The following CRADD variants were observed in gnomAD, a reference collection of about 807,000 sequenced individuals.
The protein encoded by CRADD is death domain-containing protein CRADD.
A neutral mutation model predicts 15.5 loss-of-function variants in CRADD; 9 were observed. The ratio of observed to expected loss-of-function variants is 0.58; its 90% CI spans 0.35 to 1.01. CRADD has a LOEUF of 1.01. CRADD is among the 50% of genes least tolerant of loss of function. The pLI is 0.02. For synonymous variants in CRADD, 118 were observed against 107.6 expected (o/e 1.10, Z -0.60); for missense variants, 227 against 250.3 (o/e 0.91, Z 0.63).
rs530864866 is a variant in CRADD at position 93,843,442 on chromosome 12, G to A, written c.299-6528G>A. Among the ~76,000 whole-genome samples the A allele has an allele frequency of 6.8e-5, 10 of 146,264 alleles. No homozygotes were observed. In the East Asian group the frequency reaches 1.6e-3, roughly 24 times the overall value. On this transcript the variant is annotated intron_variant, in intron 2 of 2. Transcript: ENST00000332896. The stretch of plus-strand genomic sequence containing the variant: ...GTTGTCCAGGTTGGAGTGCAGTGGC[G>A]TGATCTCGCTCACTGCAACCTCCGC...
intron 2 of CRADD, among the ~76,000 whole-genome samples, chr12:93,724,814 T>A (rs554364235): frequency 2.6e-4 from 40 of 152,046 alleles, no homozygotes; most frequent in Non-Finnish European, 5.3e-4. Context: ...GAGCAGAAGA[T>A]TGTGACATAT....
intron 2 of CRADD, among the ~76,000 whole-genome samples, chr12:93,751,360 A>G (rs186039495): frequency 1.5e-4 from 23 of 152,334 alleles, no homozygotes; most frequent in Non-Finnish European, 2.9e-4. Context: ...GTCAATCACT[A>G]TTAACTGAAA....
intron 2 of CRADD, among the ~76,000 whole-genome samples, chr12:93,713,879 A>G (rs1199031820): frequency 6.6e-6 from 1 of 152,188 alleles, no homozygotes; most frequent in Non-Finnish European, 1.5e-5. Flanking sequence ...CCTTTTTAAA[A>G]CGTGGCTACT....
At chr12:93,727,148 GCTTGTT>G (rs1956382646) in intron 2 of CRADD, among the ~76,000 whole-genome samples, 2 of 152,178 alleles carry the variant, frequency 1.3e-5, no homozygotes, top group African/African-American at 4.8e-5. Context: ...TGGTGCTTTT[GCTTGTT>G]TTGCTGTTGA....
intron 2 of CRADD, chr12:93,894,002 T>C (rs1243431316): frequency 2.8e-6 from 2 of 702,506 alleles, no homozygotes; most frequent in Non-Finnish European, 5.2e-6. Flanking sequence ...TTAGCTCAGC[T>C]GATCGCCATA....
At chr12:93,689,082 A>G (rs1345109417) in intron 2 of CRADD, among the ~76,000 whole-genome samples, 1 of 152,138 alleles carries the variant, frequency 6.6e-6, no homozygotes, top group East Asian at 1.9e-4. Context: ...AATCTCTCCC[A>G]TTTCAACTTG....
At chr12:93,880,382 TAC>T (rs1958488682) in intron 2 of CRADD, among the ~76,000 whole-genome samples, 1 of 152,150 alleles carries the variant, frequency 6.6e-6, no homozygotes, top group Non-Finnish European at 1.5e-5. Context: ...AGGCTTTGAA[TAC>T]AATTATTCCT....
intron 2 of CRADD, among the ~76,000 whole-genome samples, chr12:93,841,439 A>G (rs73365242): frequency 0.016 from 2,438 of 152,162 alleles, 72 homozygotes; most frequent in African/African-American, 0.056. Context: ...TCCCCCTTTA[A>G]CTTGTCCAAG....
intron 2 of CRADD, among the ~76,000 whole-genome samples, chr12:93,840,541 A>G (rs1186571834): frequency 1.3e-5 from 2 of 148,724 alleles, no homozygotes; most frequent in Non-Finnish European, 3.0e-5. Context: ...AATGCTTATT[A>G]TTTATAACTA....
intron 2 of CRADD, among the ~76,000 whole-genome samples, chr12:93,794,199 C>T (rs1323574782): frequency 6.6e-6 from 1 of 152,062 alleles, no homozygotes; most frequent in African/African-American, 2.4e-5. Flanking sequence ...GTTGGAAAGC[C>T]TCCAATGCTT....
chr12:93,763,302 A>G (rs1301529513), intron 2 of CRADD, among the ~76,000 whole-genome samples: 4 of 152,170 alleles, frequency 2.6e-5, no homozygotes, highest in Non-Finnish European at 5.9e-5. Flanking sequence ...GGCTTTACAT[A>G]CTGAGTCCTT....
intron 2 of CRADD, among the ~76,000 whole-genome samples, chr12:93,861,753 C>T (rs148817419): frequency 6.6e-6 from 1 of 152,346 alleles, no homozygotes; most frequent in African/African-American, 2.4e-5. Context: ...ATCCCAGACT[C>T]AGCCTCCAGG....
intron 2 of CRADD, among the ~76,000 whole-genome samples, chr12:93,807,417 A>G (rs1957551511): frequency 1.3e-5 from 2 of 152,074 alleles, no homozygotes; most frequent in South Asian, 2.1e-4. Flanking sequence ...AAAGTAGCAA[A>G]CTCAGATCAC....
intron 2 of CRADD, among the ~76,000 whole-genome samples, chr12:93,778,861 A>G (rs1957169125): frequency 6.6e-6 from 1 of 152,150 alleles, no homozygotes; most frequent in Non-Finnish European, 1.5e-5. Context: ...GGAGAACTCA[A>G]CAATGTAAGA....
intron 2 of CRADD, among the ~76,000 whole-genome samples, chr12:93,743,978 T>C (rs1384434687): frequency 6.6e-6 from 1 of 152,262 alleles, no homozygotes; most frequent in Non-Finnish European, 1.5e-5. Context: ...TAAATAAAGA[T>C]AAATGAGTTT....
intron 2 of CRADD, among the ~76,000 whole-genome samples, chr12:93,877,689 G>A (rs1392491624): frequency 6.6e-6 from 1 of 152,140 alleles, no homozygotes; most frequent in Non-Finnish European, 1.5e-5. Flanking sequence ...AAGGCTCAAG[G>A]GCTCTTAAGT....
intron 2 of CRADD, among the ~76,000 whole-genome samples, chr12:93,762,811 G>A (rs4144501): frequency 0.57 from 86,333 of 150,968 alleles, 25,493 homozygotes; most frequent in East Asian, 0.89. Flanking sequence ...TGTAAAATTT[G>A]TCCTTTTCCA....
At position 93,876,588 on chromosome 12, in the gene CRADD, C is replaced by T. The variant is rs558977198; in HGVS notation, c.299-17462C>T. ...TCACCAATTCTTTCTTCTGCTTGAT[C>T]CATTCTGCTATTAAAGGACTCTGAT... On this transcript the variant is annotated intron_variant, in intron 2 of 2. Coordinates refer to the CRADD transcript ENST00000548483. Among the ~76,000 whole-genome samples, 3 of 152,130 alleles carry T rather than the reference C, an allele frequency of 2.0e-5. No homozygotes were observed. In the East Asian group the frequency reaches 5.8e-4, roughly 29 times the overall value.
At chr12:93,750,529 AT>A (rs569861375) in intron 2 of CRADD, among the ~76,000 whole-genome samples, 466 of 152,358 alleles carry the variant, frequency 3.1e-3, no homozygotes, top group African/African-American at 0.01. Context: ...ATAACAAAAA[AT>A]ACATACAAAA....
Sources: gnomAD v4.1 joint callset for allele counts (sites outside exome capture counted in the v4.1 genomes callset) on GRCh38, gnomAD v4.1.1 for gene constraint, MANE v1.5 for transcripts, NCBI Gene and HGNC (gene_info 2026-07-23, HGNC 2026-07-21) for gene names.